PCNP: variants seen among roughly 807,000 people sequenced by gnomAD.
PCNP encodes the protein PEST proteolytic signal containing nuclear protein, also known as PEST proteolytic signal-containing nuclear protein.
A neutral mutation model predicts 21.8 loss-of-function variants in PCNP; 6 were observed. The observed-to-expected ratio is 0.28, with a 90% CI of 0.15 to 0.54. The LOEUF (loss-of-function observed/expected upper bound fraction) is 0.54, where lower values mean the gene tolerates loss of function less well. Among genes scored for constraint, PCNP ranks in the 20% least tolerant of loss-of-function variants. PCNP has a pLI of 0.95. For synonymous variants in PCNP, 67 were observed against 73.2 expected (o/e 0.92, Z 0.43); for missense variants, 161 against 215.5 (o/e 0.75, Z 1.58).
intron 3 of PCNP, among the ~76,000 whole-genome samples, chr3:101,586,214 C>A (rs1935495138): frequency 6.7e-6 from 1 of 150,078 alleles, no homozygotes; most frequent in African/African-American, 2.5e-5. Context: ...CTATTGTGCT[C>A]ACTTCCCATA....
intron 1 of PCNP, among the ~76,000 whole-genome samples, chr3:101,578,273 A>G (rs1214428704): frequency 6.6e-6 from 1 of 152,246 alleles, no homozygotes; most frequent in Non-Finnish European, 1.5e-5. Context: ...AGAGCTACAA[A>G]TAGAATACAG....
intron 2 of PCNP, among the ~76,000 whole-genome samples, chr3:101,582,177 G>A (rs543104309): frequency 6.3e-4 from 96 of 152,166 alleles, no homozygotes; most frequent in African/African-American, 2.2e-3. Context: ...CTGCAAGACT[G>A]GGCGTGGTGG....
At chr3:101,578,594 T>C (rs1935053741) in intron 1 of PCNP, among the ~76,000 whole-genome samples, 1 of 152,250 alleles carries the variant, frequency 6.6e-6, no homozygotes, top group South Asian at 2.1e-4. Context: ...ATAAAGAGTT[T>C]CTTTTATTTT....
intron 4 of PCNP, among the ~76,000 whole-genome samples, chr3:101,591,109 C>T (rs564850133): frequency 1.1e-3 from 175 of 152,276 alleles, no homozygotes; most frequent in Non-Finnish European, 1.8e-3. Context: ...ACCACTTTAT[C>T]TTATATTTCT....
intron 1 of PCNP, among the ~76,000 whole-genome samples, chr3:101,574,681 G>C (rs1934763295): frequency 6.6e-6 from 1 of 152,102 alleles, no homozygotes; most frequent in South Asian, 2.1e-4. Flanking sequence ...CACACAGTGC[G>C]AGCCACCGAG....
chr3:101,586,571 T>TGTGTGA, intron 3 of PCNP, among the ~76,000 whole-genome samples: 256 of 114,184 alleles, frequency 2.2e-3, no homozygotes, highest in Middle Eastern at 4.9e-3. Context: ...TGTGTGTGTG[T>TGTGTGA]GAGAGAGAGA....
At chr3:101,592,506 C>A in intron 4 of PCNP, 121 bp from the exon 5 acceptor site, 5 of 707,612 alleles carry the variant, frequency 7.1e-6, no homozygotes, top group Non-Finnish European at 1.1e-5. Context: ...TCTGTAGGGC[C>A]TTCCAGTGTT....
chr3:101,588,070 A>G (rs538501904), intron 3 of PCNP, among the ~76,000 whole-genome samples: 37 of 152,320 alleles, frequency 2.4e-4, no homozygotes, highest in Non-Finnish European at 4.7e-4. Context: ...CAGGAGGTCA[A>G]GACCATCTGG....
chr3:101,583,005 C>T (rs1490918828), intron 2 of PCNP, among the ~76,000 whole-genome samples: 4 of 152,146 alleles, frequency 2.6e-5, no homozygotes, highest in Non-Finnish European at 4.4e-5. Context: ...ACTATGGTAC[C>T]ATATAGATGG....
At chr3:101,584,326 TG>T (rs1181803923) in intron 2 of PCNP, among the ~76,000 whole-genome samples, 1 of 152,056 alleles carries the variant, frequency 6.6e-6, no homozygotes, top group Non-Finnish European at 1.5e-5. Context: ...TTTTTAGAGA[TG>T]GGGGACTTGC....
intron 2 of PCNP, among the ~76,000 whole-genome samples, chr3:101,580,719 T>TA (rs1935180761): frequency 6.6e-6 from 1 of 152,342 alleles, no homozygotes; most frequent in East Asian, 1.9e-4. Context: ...TAATACTTAT[T>TA]AACCATGGAA....
intron 3 of PCNP, among the ~76,000 whole-genome samples, chr3:101,586,476 A>G (rs1935512964): frequency 6.6e-6 from 1 of 150,956 alleles, no homozygotes; most frequent in Non-Finnish European, 1.5e-5. Context: ...ATGTGACGTC[A>G]TTGTGTAGCA....
At chr3:101,592,079 C>T (rs1409347409) in intron 4 of PCNP, among the ~76,000 whole-genome samples, 1 of 152,156 alleles carries the variant, frequency 6.6e-6, no homozygotes, top group Non-Finnish European at 1.5e-5. Flanking sequence ...GATTTATCCT[C>T]ACCCCCAATT....
At chr3:101,583,031 T>C (rs978657008) in intron 2 of PCNP, among the ~76,000 whole-genome samples, 2 of 152,220 alleles carry the variant, frequency 1.3e-5, no homozygotes, top group African/African-American at 4.8e-5. Flanking sequence ...GGGAAGAGGA[T>C]GCAGAAAGTG....
Position 101,593,935 on chromosome 3 carries a change from G to A in PCNP, c.*1182G>A, listed in dbSNP as rs1212474511. ...TGTAGGGTGTTTGTTTTGTATTTTTGTATTGTATATGAACTTTTTTTAAAT... is the reference window on the plus strand; with the variant it reads ...TGTAGGGTGTTTGTTTTGTATTTTTATATTGTATATGAACTTTTTTTAAAT... On this transcript the variant is annotated 3_prime_UTR_variant, in exon 5 of 5. Coordinates refer to ENST00000265260, the MANE Select transcript of PCNP (RefSeq NM_020357.3). 1 of 152,530 alleles carries A rather than the reference G, an allele frequency of 6.6e-6. No individual in the cohort carries two copies. The highest frequency in any genetic ancestry group is 2.4e-5 in the African/African-American group (1 of 41,412). 9.4% of individuals were successfully genotyped at this position (152,530 alleles called of 1,614,324 possible). A position where few individuals can be genotyped will look rare whatever the true frequency, so the allele number is the denominator to read the frequency against.
rs1935785097 is a variant in PCNP, at chr3:101,591,199, G to T, written c.410+929G>T. On this transcript the variant is annotated intron_variant, in intron 4 of 4. Coordinates refer to ENST00000265260, the MANE Select transcript of PCNP (RefSeq NM_020357.3). Reference sequence around the variant, plus strand: ...TTTAATTTTCTCCATTGTTGCTGTTGTCATGGAGATAACATTTATTTTTAA... The same window carrying T: ...TTTAATTTTCTCCATTGTTGCTGTTTTCATGGAGATAACATTTATTTTTAA... Among the ~76,000 whole-genome samples the T allele has an allele frequency of 2.0e-5, 3 of 152,124 alleles. No homozygotes were observed. The South Asian group carries it at 6.2e-4, about 32-fold the overall frequency.
intron 1 of PCNP, among the ~76,000 whole-genome samples, chr3:101,575,215 C>G (rs1001016404): frequency 6.6e-6 from 1 of 152,092 alleles, no homozygotes; most frequent in African/African-American, 2.4e-5. Flanking sequence ...ACATTTTAAA[C>G]ATTATTCTCT....
intron 4 of PCNP, among the ~76,000 whole-genome samples, chr3:101,591,131 A>G (rs1388007633): frequency 6.6e-6 from 1 of 152,150 alleles, no homozygotes; most frequent in African/African-American, 2.4e-5. Context: ...TTTTTCTTTA[A>G]TGACTTAGAT....
chr3:101,574,104 C>G (rs1054675468), upstream of PCNP: 37 of 1,440,240 alleles, frequency 2.6e-5, no homozygotes, highest in Non-Finnish European at 3.0e-5. Flanking sequence ...CTTTTCATTC[C>G]TCGGGACCGC....
Sources: allele counts gnomAD v4.1 joint callset (sites outside exome capture counted in the v4.1 genomes callset), GRCh38; gene constraint gnomAD v4.1.1; transcripts MANE v1.5; gene names NCBI Gene and HGNC (gene_info 2026-07-23, HGNC 2026-07-21).